The following ASPH variants were observed in gnomAD, a reference collection of about 807,000 sequenced individuals.
The protein encoded by ASPH is aspartyl/asparaginyl beta-hydroxylase.
A neutral mutation model predicts 118.4 loss-of-function variants in ASPH; 100 were observed. The observed-to-expected ratio is 0.84, with a 90% CI of 0.72 to 1.00. ASPH has a LOEUF of 1.00. ASPH is among the 50% of genes least tolerant of loss of function. The probability of loss-of-function intolerance (pLI) is 0.00; values close to 1 mark genes in which losing one functional copy is unlikely to be tolerated. For synonymous variants in ASPH, 315 were observed against 325.6 expected (o/e 0.97, Z 0.35); for missense variants, 920 against 919.5 (o/e 1.00, Z -0.01).
chr8:61,547,006 A>T (rs1319759360), intron 21 of ASPH, among the ~76,000 whole-genome samples: 1 of 152,230 alleles, frequency 6.6e-6, no homozygotes, highest in Admixed American at 6.5e-5. Context: ...AACCATGTAC[A>T]AATAGCAATT....
intron 1 of ASPH, among the ~76,000 whole-genome samples, chr8:61,688,629 T>C (rs1489084358): frequency 1.3e-5 from 2 of 152,216 alleles, no homozygotes; most frequent in Non-Finnish European, 2.9e-5. Flanking sequence ...ACTCTACACA[T>C]TTAAAGTTTT....
At chr8:61,663,639 T>C (rs1818043671) in intron 3 of ASPH, 2 of 985,222 alleles carry the variant, frequency 2.0e-6, no homozygotes, top group East Asian at 1.1e-4. Context: ...GTTCTTGTAA[T>C]GTGTAAAAAT....
At chr8:61,684,862 A>T (rs1325057114) in intron 1 of ASPH, among the ~76,000 whole-genome samples, 1 of 152,212 alleles carries the variant, frequency 6.6e-6, no homozygotes, top group Non-Finnish European at 1.5e-5. Flanking sequence ...AGCCAAAAAT[A>T]AACAAAAATG....
At chr8:61,541,362 T>TA (rs374106525) in intron 21 of ASPH, among the ~76,000 whole-genome samples, 2,737 of 150,616 alleles carry the variant, frequency 0.018, 72 homozygotes, top group African/African-American at 0.063. Context: ...AGACTCCGTC[T>TA]AAAAAAAAAG....
intron 14 of ASPH, among the ~76,000 whole-genome samples, chr8:61,610,572 G>A (rs1347740866): frequency 6.6e-6 from 1 of 152,210 alleles, no homozygotes; most frequent in East Asian, 1.9e-4. Context: ...TGAATGTAAT[G>A]ACTACAATAA....
Position 61,629,395 on chromosome 8 carries a change from T to C in ASPH, c.934+4288A>G, listed in dbSNP as rs187407333. 2.0e-5 allele frequency among the ~76,000 whole-genome samples: 3 copies of C among 152,372 alleles called. No homozygotes were observed. The East Asian group carries it at 5.8e-4, about 29-fold the overall frequency. ...TCGTTCCATTTGTGTTGTGTATATT[T>C]ATGCTGTCAGATTGCTACAAATATG... On this transcript the variant is annotated intron_variant, in intron 13 of 24. Coordinates refer to ENST00000379454, the MANE Select transcript of ASPH (RefSeq NM_004318.4).
Position 61,714,434 on chromosome 8 carries a change from GC to G in ASPH, c.-64del. 1 of 1,370,094 alleles carries G rather than the reference GC, an allele frequency of 7.3e-7. No homozygotes were observed. 84.9% of individuals were successfully genotyped at this position (1,370,094 alleles called of 1,614,324 possible). On this transcript the variant is annotated 5_prime_UTR_variant, in exon 1 of 25. Coordinates refer to ENST00000379454, the MANE Select transcript of ASPH (RefSeq NM_004318.4). ...TCCTTCAGTGCGCGGGGGTACACAC[GC>G]GACGCGGGAACCGCTGGCGGCGGCG...
chr8:61,541,652 T>C (rs1822019388), intron 21 of ASPH, among the ~76,000 whole-genome samples: 1 of 152,242 alleles, frequency 6.6e-6, no homozygotes, highest in African/African-American at 2.4e-5. Flanking sequence ...CAGTCACTAC[T>C]GTCAAGTGGT....
intron 14 of ASPH, among the ~76,000 whole-genome samples, chr8:61,584,715 C>T (rs1838803493): frequency 1.3e-5 from 2 of 150,106 alleles, no homozygotes; most frequent in Admixed American, 6.7e-5. Context: ...CACTATGTCA[C>T]CCAGGCTGGT....
At chr8:61,577,362 CA>C (rs11406205) in intron 15 of ASPH, among the ~76,000 whole-genome samples, 18 of 57,416 alleles carry the variant, frequency 3.1e-4, no homozygotes, top group East Asian at 9.1e-4. Context: ...AATAAAATGA[CA>C]AAAAAAAAAG....
At chr8:61,620,998 T>C (rs1022794546) in intron 13 of ASPH, among the ~76,000 whole-genome samples, 16 of 152,234 alleles carry the variant, frequency 1.1e-4, no homozygotes, top group African/African-American at 3.4e-4. Context: ...GGTCTCCTCA[T>C]GTCCTTTAGA....
intron 14 of ASPH, among the ~76,000 whole-genome samples, chr8:61,599,937 A>C (rs1391419565): frequency 1.5e-4 from 23 of 152,198 alleles, no homozygotes; most frequent in Admixed American, 1.4e-3. Flanking sequence ...TACTAAAGCC[A>C]AACAGGACAC....
Position 61,607,250 on chromosome 8 carries a change from C to T in ASPH, c.976+11728G>A, listed in dbSNP as rs1017528343. On this transcript the variant is annotated intron_variant, in intron 14 of 24. Transcript: ENST00000379454. ...CCTTCCATTCTTTAAGAAGGGTCAA[C>T]ACATGAAAGGATGGCTGAAGTCCCA... is the stretch of plus-strand genomic sequence containing the variant. The T allele has an allele frequency of 1.0e-5, 7 of 701,904 alleles. No individual in the cohort carries two copies. In the African/African-American group the frequency reaches 1.2e-4, roughly 12 times the overall value. The allele number at this position is 701,904 out of a possible 1,614,324, so 43.5% of individuals were successfully genotyped here. A position where few individuals can be genotyped will look rare whatever the true frequency, so the allele number is the denominator to read the frequency against.
At chr8:61,713,011 T>C (rs1326893007) in intron 1 of ASPH, among the ~76,000 whole-genome samples, 1 of 152,246 alleles carries the variant, frequency 6.6e-6, no homozygotes, top group African/African-American at 2.4e-5. Context: ...GCAATTAATC[T>C]ATCCCTCTGC....
In ASPH at chr8:61,567,159, G is replaced by A; in HGVS notation, c.1300+9C>T. On this transcript the variant is annotated intron_variant, in intron 17 of 24. Coordinates refer to ENST00000379454, the MANE Select transcript of ASPH (RefSeq NM_004318.4). ...ATTTCCTACTGAATTACCTTTGATT[G>A]CATCTTACCTAGAAATTGTTGCCTG... 3.1e-6 allele frequency: 5 copies of A among 1,612,676 alleles called. No homozygotes were observed. In the East Asian group the frequency reaches 6.7e-5, roughly 22 times the overall value.
chr8:61,679,202 G>A (rs1440208977), intron 3 of ASPH, among the ~76,000 whole-genome samples: 2 of 152,072 alleles, frequency 1.3e-5, no homozygotes, highest in Non-Finnish European at 2.9e-5. Flanking sequence ...GAGTAAAAAA[G>A]TATTTATGTA....
Position 61,536,188 on chromosome 8 carries a change from C to T in ASPH, c.1765-10076G>A, listed in dbSNP as rs1016884474. On this transcript the variant is annotated intron_variant, in intron 21 of 24. Transcript: ENST00000379454. ...CCAAGTAGCTGGGATTACAGGTGCC[C>T]GCCACCATGCCTGGCTAATTTTTTG... Among the ~76,000 whole-genome samples, 170 of 151,746 alleles carry T rather than the reference C, an allele frequency of 1.1e-3. 1 individual carries two copies. Among genetic ancestry groups the T allele is most frequent in the Non-Finnish European group, 5.2e-4 (35 of 67,938 alleles).
chr8:61,578,751 A>T (rs905338346), intron 15 of ASPH: 16 of 1,599,632 alleles, frequency 1.0e-5, no homozygotes, highest in Non-Finnish European at 1.4e-5. Flanking sequence ...CTTCAAGAAC[A>T]AGTATGAGGA....
intron 21 of ASPH, among the ~76,000 whole-genome samples, chr8:61,543,486 T>C (rs1414958206): frequency 2.0e-5 from 3 of 152,192 alleles, no homozygotes; most frequent in Non-Finnish European, 2.9e-5. Flanking sequence ...TGTCTCTTCA[T>C]TGGAATTCTC....
Sources: gnomAD v4.1 joint callset for allele counts (sites outside exome capture counted in the v4.1 genomes callset) on GRCh38, gnomAD v4.1.1 for gene constraint, MANE v1.5 for transcripts, NCBI Gene and HGNC (gene_info 2026-07-23, HGNC 2026-07-21) for gene names.